The following HLCS variants were observed in gnomAD, a reference collection of about 807,000 sequenced individuals.
The protein encoded by HLCS is holocarboxylase synthetase, also known as biotin--protein ligase.
A neutral mutation model predicts 75.0 loss-of-function variants in HLCS; 53 were observed. That is an observed-to-expected ratio of 0.71 (90% confidence interval 0.57 to 0.89). The LOEUF (loss-of-function observed/expected upper bound fraction) is 0.89, where lower values mean the gene tolerates loss of function less well. HLCS is among the 40% of genes least tolerant of loss of function. The pLI, the probability that HLCS is intolerant of heterozygous loss-of-function variation, is 0.00. For synonymous variants in HLCS, 431 were observed against 428.6 expected (o/e 1.01, Z -0.07); for missense variants, 966 against 1,074.0 (o/e 0.90, Z 1.41).
At chr21:36,922,064 T>G (rs926696816) in intron 5 of HLCS, among the ~76,000 whole-genome samples, 5 of 152,168 alleles carry the variant, frequency 3.3e-5, no homozygotes, top group Admixed American at 1.3e-4. Flanking sequence ...TTTTAAAAAC[T>G]CAAATACCCT....
chr21:36,820,957 G>A (rs751566583), intron 6 of HLCS, among the ~76,000 whole-genome samples: 11 of 152,192 alleles, frequency 7.2e-5, no homozygotes, highest in African/African-American at 1.4e-4. Flanking sequence ...ACTGGGAGGC[G>A]ACTTCATGGT....
chr21:36,942,165 G>A lies in HLCS; in HGVS notation c.331-3171C>T, dbSNP rs544666939. Among the ~76,000 whole-genome samples the A allele has an allele frequency of 9.2e-5, 14 of 151,724 alleles. No individual in the cohort carries two copies. The South Asian group carries it at 2.7e-3, about 29-fold the overall frequency. ...TCCAGCCTGGGCACTCCAGCCTGGCGACAGTCTCAAAAAAAACCTATTAAA... is the reference window on the plus strand; with the variant it reads ...TCCAGCCTGGGCACTCCAGCCTGGCAACAGTCTCAAAAAAAACCTATTAAA... On this transcript the variant is annotated intron_variant, in intron 2 of 10. Transcript: ENST00000674895.
chr21:36,974,123 G>GC (rs2055497560), intron 1 of HLCS: 1 of 152,304 alleles, frequency 6.6e-6, no homozygotes, highest in Non-Finnish European at 1.5e-5. Flanking sequence ...AGTTACCGTC[G>GC]CCCGGGATCC....
At chr21:36,934,470 C>A (rs2066789882) in intron 4 of HLCS, among the ~76,000 whole-genome samples, 1 of 152,134 alleles carries the variant, frequency 6.6e-6, no homozygotes, top group Non-Finnish European at 1.5e-5. Flanking sequence ...TTTTAAAATC[C>A]CTTTTAAAGA....
chr21:36,963,431 C>T (rs1016430155), intron 1 of HLCS, among the ~76,000 whole-genome samples: 2 of 152,182 alleles, frequency 1.3e-5, no homozygotes, highest in Non-Finnish European at 2.9e-5. Flanking sequence ...TTGCCCCTCC[C>T]TCAGTAAACA....
chr21:36,816,643 T>C (rs1363311489), intron 6 of HLCS, among the ~76,000 whole-genome samples: 3 of 152,194 alleles, frequency 2.0e-5, no homozygotes, highest in Non-Finnish European at 4.4e-5. Context: ...GCTAAGCCTC[T>C]ACTGAGGTCC....
chr21:36,908,706 G>A (rs899963770), intron 5 of HLCS, among the ~76,000 whole-genome samples: 2 of 152,080 alleles, frequency 1.3e-5, no homozygotes, highest in Non-Finnish European at 2.9e-5. Context: ...AAAAAGTAAT[G>A]GGCTACCCAC....
intron 6 of HLCS, among the ~76,000 whole-genome samples, chr21:36,874,294 C>T (rs920590854): frequency 1.3e-5 from 2 of 151,796 alleles, no homozygotes; most frequent in East Asian, 3.9e-4. Flanking sequence ...CTCAGCTACT[C>T]GGGAGGCTGA....
At chr21:36,872,390 CAAA>C (rs374943958) in intron 6 of HLCS, among the ~76,000 whole-genome samples, 2 of 85,382 alleles carry the variant, frequency 2.3e-5, no homozygotes, top group Non-Finnish European at 5.4e-5. Context: ...GCCTCTGTCT[CAAA>C]AAAAAAAAAA....
intron 6 of HLCS, among the ~76,000 whole-genome samples, chr21:36,811,460 T>C (rs567015564): frequency 9.7e-4 from 148 of 152,354 alleles, no homozygotes; most frequent in Middle Eastern, 3.4e-3. Context: ...GAGGCTACTC[T>C]GTGCCTCAAG....
intron 6 of HLCS, among the ~76,000 whole-genome samples, chr21:36,776,460 G>A (rs1281609447): frequency 2.0e-5 from 3 of 151,958 alleles, no homozygotes; most frequent in South Asian, 2.1e-4. Context: ...TGTCACCCAG[G>A]TTAGAGTGCA....
chr21:36,930,431 C>T lies in HLCS; in HGVS notation c.1440G>A (p.Val480=). Residue 480 remains valine, a splice_region_variant and synonymous_variant, in exon 5 of 11, where the codon GTG becomes GTA. Coordinates refer to ENST00000674895, the MANE Select transcript of HLCS (RefSeq NM_001352514.2). ...TRGGEAVLCQ[V]HLELPPSSNI... ...TGGAGCTGGGAGGTAGTTCTAAGTG[C>T]ACCTGAAGGGGAAAGATAGCACTAT... 1 of 1,613,394 alleles carries T rather than the reference C, an allele frequency of 6.2e-7. No individual in the cohort carries two copies. The highest frequency in any genetic ancestry group is 8.5e-7 in the Non-Finnish European group (1 of 1,179,344).
intron 6 of HLCS, among the ~76,000 whole-genome samples, chr21:36,886,966 A>C (rs2146293118): frequency 6.6e-6 from 1 of 152,214 alleles, no homozygotes; most frequent in Non-Finnish European, 1.5e-5. Flanking sequence ...GTCTCTACTA[A>C]AAATACAAAA....
chr21:36,754,518 G>A, intron 10 of HLCS, 101 bp from the exon 11 acceptor site: 1 of 1,294,828 alleles, frequency 7.7e-7, no homozygotes, highest in Non-Finnish European at 1.1e-6. Flanking sequence ...GGGCGTGCTG[G>A]GGAGAGGGCT....
At chr21:36,912,815 G>A (rs1468045385) in intron 5 of HLCS, among the ~76,000 whole-genome samples, 22 of 152,124 alleles carry the variant, frequency 1.4e-4, no homozygotes. Flanking sequence ...CAAAGGGACA[G>A]CTTGCACAGG....
upstream of HLCS, among the ~76,000 whole-genome samples, chr21:36,970,925 C>T (rs112090345): frequency 0.085 from 12,839 of 150,464 alleles, 702 homozygotes; most frequent in East Asian, 0.18. Flanking sequence ...ACCCAGGAGG[C>T]GGAGCTTGTA....
rs966805466 is a variant in HLCS, at chr21:36,842,597, G to T, written c.1892+54263C>A. Among the ~76,000 whole-genome samples, 3 of 152,104 alleles carry T rather than the reference G, an allele frequency of 2.0e-5. No individual in the cohort carries two copies. Among genetic ancestry groups the T allele is most frequent in the Non-Finnish European group, 4.4e-5 (3 of 68,016 alleles). Reference sequence around the variant, plus strand: ...TCTACTAAAAATACAAAAGAAGTTGGCTGGGTGTGGTGACGCACGCCTGTA... The same window carrying T: ...TCTACTAAAAATACAAAAGAAGTTGTCTGGGTGTGGTGACGCACGCCTGTA... On this transcript the variant is annotated intron_variant, in intron 6 of 10. Transcript: ENST00000674895. This position sits in a 1 kb window ranked among gnomAD's most constrained non-coding sequence, Gnocchi z 4.2.
chr21:36,748,916 G>A lies in HLCS; in HGVS notation c.*5330C>T, dbSNP rs1447158912. ...ATTATTACGTGGCAAAATCCCTCTG[G>A]CCCACACAGATCTGTAATTCACTAG... On this transcript the variant is annotated 3_prime_UTR_variant, in exon 11 of 11. Transcript: ENST00000674895. 1 of 152,536 alleles carries A rather than the reference G, an allele frequency of 6.6e-6. No homozygotes were observed. The highest frequency in any genetic ancestry group is 1.5e-5 in the Non-Finnish European group (1 of 68,038). The allele number at this position is 152,536 out of a possible 1,614,324, so 9.4% of individuals were successfully genotyped here. A position where few individuals can be genotyped will look rare whatever the true frequency, so the allele number is the denominator to read the frequency against.
intron 2 of HLCS, among the ~76,000 whole-genome samples, chr21:36,956,475 T>C (rs554686748): frequency 9.8e-4 from 150 of 152,296 alleles, no homozygotes; most frequent in Admixed American, 1.8e-3. Context: ...ACACTTGTAA[T>C]CCCAGCACTT....
Sources: allele counts gnomAD v4.1 joint callset (sites outside exome capture counted in the v4.1 genomes callset), GRCh38; gene constraint gnomAD v4.1.1; non-coding constraint Gnocchi (gnomAD v3.1); transcripts MANE v1.5; gene names NCBI Gene and HGNC (gene_info 2026-07-23, HGNC 2026-07-21).